The following CACNA1D variants were observed in gnomAD, a reference collection of about 807,000 sequenced individuals.
CACNA1D encodes voltage-dependent L-type calcium channel subunit alpha-1D.
A neutral mutation model predicts 257.1 loss-of-function variants in CACNA1D; 55 were observed. That is an observed-to-expected ratio of 0.21 (90% CI 0.17 to 0.27). The LOEUF is 0.27. Ranked by LOEUF, CACNA1D falls within the 10% of genes least tolerant of loss-of-function variation. The pLI is 1.00. For synonymous variants in CACNA1D, 980 were observed against 1,014.9 expected, an observed-to-expected ratio of 0.97 and a Z score of 0.65; for missense variants, 1,876 against 2,784.0, an observed-to-expected ratio of 0.67 and a Z score of 7.34.
chr3:53,671,394 G>A (rs944930294), intron 7 of CACNA1D, among the ~76,000 whole-genome samples: 5 of 152,210 alleles, frequency 3.3e-5, no homozygotes, highest in Admixed American at 3.3e-4. Flanking sequence ...AGGGAAACAA[G>A]CCCAGGTGGG....
At position 53,808,731 on chromosome 3, in the gene CACNA1D, C is replaced by G; in HGVS notation, c.5832C>G (p.Pro1944=). 6.2e-7 allele frequency: 1 copy of G among 1,608,820 alleles called. No homozygotes were observed. Among genetic ancestry groups the G allele is most frequent in the Non-Finnish European group, 8.5e-7 (1 of 1,179,996 alleles). ...QEEVPSSPIF[P]HRTALPLHLM... ...AGGTCCCGTCGTCTCCCATCTTCCCCCATCGCACGGCCCTGCCTCTGCATC... is the reference window on the plus strand; with the variant it reads ...AGGTCCCGTCGTCTCCCATCTTCCCGCATCGCACGGCCCTGCCTCTGCATC... The change falls in exon 46 of 48, where the codon CCC becomes CCG. Residue 1944 remains proline (P), a synonymous_variant. Coordinates refer to ENST00000350061, the MANE Select transcript of CACNA1D (RefSeq NM_001128840.3).
At chr3:53,502,855 A>C (rs992668778) in intron 3 of CACNA1D, among the ~76,000 whole-genome samples, 7 of 152,180 alleles carry the variant, frequency 4.6e-5, no homozygotes, top group African/African-American at 1.7e-4. Flanking sequence ...AGGGGAGCCC[A>C]TTCTGGATAA....
chr3:53,520,637 G>A (rs576071508), intron 3 of CACNA1D, among the ~76,000 whole-genome samples: 3 of 152,190 alleles, frequency 2.0e-5, no homozygotes, highest in South Asian at 2.1e-4. Flanking sequence ...ATGGTCACAG[G>A]CATCTGTAGT....
chr3:53,744,882 T>A, intron 23 of CACNA1D, 55 bp downstream of exon 23: 1 of 959,490 alleles, frequency 1.0e-6, no homozygotes, highest in Non-Finnish European at 1.7e-6. Flanking sequence ...TGGCTGTAAT[T>A]ACTGGCTCTT....
At chr3:53,635,098 A>G (rs1029687955) in intron 3 of CACNA1D, among the ~76,000 whole-genome samples, 4 of 152,206 alleles carry the variant, frequency 2.6e-5, no homozygotes, top group African/African-American at 4.8e-5. Flanking sequence ...CACCTTTGCC[A>G]CAAAGAAGCT....
At chr3:53,559,304 C>A (rs2107626497) in intron 3 of CACNA1D, among the ~76,000 whole-genome samples, 1 of 152,176 alleles carries the variant, frequency 6.6e-6, no homozygotes, top group African/African-American at 2.4e-5. Context: ...TTTGATAATT[C>A]TGGTATCTAT....
chr3:53,741,804 G>C (rs572140953), intron 21 of CACNA1D, among the ~76,000 whole-genome samples: 1 of 152,152 alleles, frequency 6.6e-6, no homozygotes, highest in Non-Finnish European at 1.5e-5. Flanking sequence ...GTTCTACTTA[G>C]TCTGTTAGCC....
At chr3:53,772,692 C>A in intron 32 of CACNA1D, 141 bp from the exon 33 acceptor site, 1 of 690,726 alleles carries the variant, frequency 1.4e-6, no homozygotes, top group South Asian at 1.6e-5. Context: ...TTAAACGGTT[C>A]TTCCTCACTG....
intron 3 of CACNA1D, among the ~76,000 whole-genome samples, chr3:53,558,245 T>C (rs1189662139): frequency 2.0e-5 from 3 of 152,222 alleles, no homozygotes; most frequent in Admixed American, 6.5e-5. Flanking sequence ...TATCTTTGTG[T>C]GGTTTTTGGT....
At chr3:53,564,499 T>C (rs1302669974) in intron 3 of CACNA1D, among the ~76,000 whole-genome samples, 1 of 152,232 alleles carries the variant, frequency 6.6e-6, no homozygotes, top group African/African-American at 2.4e-5. Context: ...ACTGATCCTT[T>C]GTTGTTTATA....
chr3:53,684,746 T>A (rs1420307307), intron 8 of CACNA1D, among the ~76,000 whole-genome samples: 2 of 151,526 alleles, frequency 1.3e-5, no homozygotes, highest in African/African-American at 4.9e-5. Context: ...CTGTAACAGG[T>A]CAAAGTAAAT....
intron 3 of CACNA1D, among the ~76,000 whole-genome samples, chr3:53,538,696 T>C (rs1463975610): frequency 6.6e-6 from 1 of 152,216 alleles, no homozygotes; most frequent in African/African-American, 2.4e-5. Flanking sequence ...TACAACAAGA[T>C]GTTTTGGATT....
Position 53,726,944 on chromosome 3 carries a change from C to T in CACNA1D, c.2166C>T (p.Ser722=), listed in dbSNP as rs549059629. The T allele has an allele frequency of 1.9e-6, 3 of 1,614,162 alleles. No individual in the cohort carries two copies. The African/African-American group carries it at 4.0e-5, about 22-fold the overall frequency. ...GCATCATGGCTTACGGGGGCCCATCCTCTTCAGGAATGATCGTCTGCATCT... is the reference window on the plus strand; with the variant it reads ...GCATCATGGCTTACGGGGGCCCATCTTCTTCAGGAATGATCGTCTGCATCT... ...YDGIMAYGGP[S]SSGMIVCIYF... is the part of the protein sequence containing the mutation. Residue 722 remains serine, a synonymous_variant, in exon 15 of 48, where the codon TCC becomes TCT. Transcript: ENST00000350061.
At chr3:53,565,358 G>A (rs927422957) in intron 3 of CACNA1D, among the ~76,000 whole-genome samples, 5 of 151,980 alleles carry the variant, frequency 3.3e-5, no homozygotes, top group South Asian at 2.1e-4. Flanking sequence ...GTACACACAT[G>A]CATACACACA....
At chr3:53,730,581 T>C (rs2094980601) in intron 16 of CACNA1D, 25 bp downstream of exon 16, 2 of 1,524,916 alleles carry the variant, frequency 1.3e-6, no homozygotes, top group Admixed American at 1.7e-5. Context: ...CCCTGACGTG[T>C]TTGTCCAGGG....
chr3:53,612,198 G>C (rs2093590753), intron 3 of CACNA1D, among the ~76,000 whole-genome samples: 1 of 152,086 alleles, frequency 6.6e-6, no homozygotes, highest in African/African-American at 2.4e-5. Context: ...TTTCTGTTTA[G>C]TAATTTTCCA....
chr3:53,514,827 CTTGGA>C (rs961847882), intron 3 of CACNA1D, among the ~76,000 whole-genome samples: 6 of 152,242 alleles, frequency 3.9e-5, no homozygotes, highest in Non-Finnish European at 7.4e-5. Flanking sequence ...GGACAGTTTG[CTTGGA>C]TTGGAGTTTA....
At chr3:53,587,479 A>T (rs1474980655) in intron 3 of CACNA1D, among the ~76,000 whole-genome samples, 2 of 152,014 alleles carry the variant, frequency 1.3e-5, no homozygotes, top group East Asian at 3.9e-4. Context: ...AGGAGCATGG[A>T]CTCATTTTGG....
At chr3:53,605,112 C>T (rs998849395) in intron 3 of CACNA1D, among the ~76,000 whole-genome samples, 1 of 152,176 alleles carries the variant, frequency 6.6e-6, no homozygotes, top group Non-Finnish European at 1.5e-5. Flanking sequence ...ATAGGTTATT[C>T]AGATTTCCAT....
Sources: gnomAD v4.1 joint callset for allele counts (sites outside exome capture counted in the v4.1 genomes callset) on GRCh38, gnomAD v4.1.1 for gene constraint, MANE v1.5 for transcripts, NCBI Gene and HGNC (gene_info 2026-07-23, HGNC 2026-07-21) for gene names.